MAD1L1: variants seen among roughly 807,000 people sequenced by gnomAD.
MAD1L1 encodes the protein mitotic spindle assembly checkpoint protein MAD1.
A neutral mutation model predicts 96.9 loss-of-function variants in MAD1L1; 95 were observed. The ratio of observed to expected loss-of-function variants is 0.98; its 90% CI spans 0.83 to 1.16. The LOEUF (loss-of-function observed/expected upper bound fraction) is 1.16. MAD1L1 is among the 50% of genes most tolerant of loss of function. The pLI, the probability that MAD1L1 is intolerant of heterozygous loss-of-function variation, is 0.00. For synonymous variants in MAD1L1, 473 were observed against 396.6 expected, an observed-to-expected ratio of 1.19 and a Z score of -2.29; for missense variants, 1,007 against 954.4, an observed-to-expected ratio of 1.06 and a Z score of -0.73.
At chr7:2,070,279 C>A (rs1361337155) in intron 11 of MAD1L1, among the ~76,000 whole-genome samples, 1 of 152,196 alleles carries the variant, frequency 6.6e-6, no homozygotes, top group Non-Finnish European at 1.5e-5. Context: ...TCCGGGAACC[C>A]CAGGACTCCA....
At chr7:2,024,976 T>C (rs1782938500) in intron 12 of MAD1L1, among the ~76,000 whole-genome samples, 1 of 152,238 alleles carries the variant, frequency 6.6e-6, no homozygotes, top group Non-Finnish European at 1.5e-5. Flanking sequence ...ATTATGAACT[T>C]ATCAAAATCC....
rs867914028 is a variant in MAD1L1 at position 1,968,183 on chromosome 7, C to T, written c.1506-10464G>A. 1.3e-5 allele frequency among the ~76,000 whole-genome samples: 2 copies of T among 152,242 alleles called. No homozygotes were observed. Among genetic ancestry groups the T allele is most frequent in the South Asian group, 2.1e-4 (1 of 4,832 alleles). ...CAAACAGCTTCGCGGACGAGGCACC[C>T]GGCAGAGCACGCCTCAATCCGGCGG... On this transcript the variant is annotated intron_variant, in intron 15 of 18. Coordinates refer to ENST00000265854, the MANE Select transcript of MAD1L1 (RefSeq NM_001013836.2). This position sits in a 1 kb window ranked among gnomAD's most constrained non-coding sequence, Gnocchi z 5.6.
intron 13 of MAD1L1, among the ~76,000 whole-genome samples, chr7:2,006,143 G>A (rs750949262): frequency 2.4e-4 from 37 of 152,082 alleles, no homozygotes; most frequent in Non-Finnish European, 3.5e-4. Flanking sequence ...GAAAAGACAC[G>A]TGTGGGTGCT....
intron 18 of MAD1L1, among the ~76,000 whole-genome samples, chr7:1,830,780 G>A: frequency 6.6e-6 from 1 of 152,032 alleles, no homozygotes; most frequent in Non-Finnish European, 1.5e-5. Flanking sequence ...AAAAAAGGAG[G>A]CACATGAACT....
intron 15 of MAD1L1, among the ~76,000 whole-genome samples, chr7:1,973,251 A>G (rs1382555882): frequency 6.6e-6 from 1 of 152,294 alleles, no homozygotes; most frequent in East Asian, 1.9e-4. Context: ...TTCTCTGTTC[A>G]TCCCAGACAC....
At position 1,950,352 on chromosome 7, in the gene MAD1L1, G is replaced by A. The variant is rs372854187; in HGVS notation, c.1596+7277C>T. Among the ~76,000 whole-genome samples the A allele has an allele frequency of 2.8e-4, 42 of 152,248 alleles. 2 individuals are homozygous for A. The East Asian group carries it at 7.4e-3, about 27-fold the overall frequency. On this transcript the variant is annotated intron_variant, in intron 16 of 18. Transcript: ENST00000265854. The stretch of plus-strand genomic sequence containing the variant: ...CAGTGGCTCTGCCGCCCTCCTGCAC[G>A]TCCCGCGCCACCTCGAGGCCCGCAA...
chr7:2,148,983 G>A (rs1319975770), intron 11 of MAD1L1, among the ~76,000 whole-genome samples, 169 bp downstream of exon 11: 1 of 152,100 alleles, frequency 6.6e-6, no homozygotes, highest in African/African-American at 2.4e-5. Context: ...TGGAAACATG[G>A]GGCAAACCCT....
At chr7:2,207,180 C>T (rs528137621) in intron 10 of MAD1L1, among the ~76,000 whole-genome samples, 2 of 152,154 alleles carry the variant, frequency 1.3e-5, no homozygotes, top group South Asian at 4.1e-4. Context: ...GAGCAAACTG[C>T]CATCTTAACA....
intron 11 of MAD1L1, among the ~76,000 whole-genome samples, chr7:2,120,440 G>A (rs768157804): frequency 1.1e-4 from 16 of 152,220 alleles, no homozygotes; most frequent in Admixed American, 5.9e-4. Flanking sequence ...GCCTGGGGGC[G>A]CAGCCTTGGG....
rs374160589 is a variant in MAD1L1 at position 1,898,229 on chromosome 7, C to G, written c.1969G>C (p.Glu657Gln). Residue 657 changes from glutamate to glutamine, a missense_variant, in exon 18 of 19, where the codon GAG (glutamate) becomes CAG (glutamine). Glu to Gln is a conservative substitution (Grantham distance 29, BLOSUM62 2). Coordinates refer to ENST00000265854, the MANE Select transcript of MAD1L1 (RefSeq NM_001013836.2). ...AAGATGAGGCAGTCGCCTGGGTGCT[C>G]GGCGTACAGCGAGGTCAGCCGGTAC... ...NQYRLTSLYA[E>Q]HPGDCLIFKA... 58 of 1,613,126 alleles carry G rather than the reference C, an allele frequency of 3.6e-5. No individual in the cohort carries two copies. The highest frequency in any genetic ancestry group is 4.8e-5 in the Non-Finnish European group (57 of 1,179,610).
chr7:2,065,832 A>G (rs982633627), intron 12 of MAD1L1, among the ~76,000 whole-genome samples: 8 of 152,096 alleles, frequency 5.3e-5, no homozygotes, highest in Admixed American at 2.0e-4. Flanking sequence ...GCAGACAACA[A>G]GGGGTGGGAA....
rs1353119714 is a variant in MAD1L1 at position 2,088,023 on chromosome 7, C to G, written c.1074-18685G>C. Among the ~76,000 whole-genome samples the G allele has an allele frequency of 6.6e-6, 1 of 152,204 alleles. No individual in the cohort carries two copies. Among genetic ancestry groups the G allele is most frequent in the Non-Finnish European group, 1.5e-5 (1 of 68,034 alleles). ...ACAGCTAACTGGATCCGTTTCCCAG[C>G]AGATCGAGGCTTGAGGCTCTAGGAG... On this transcript the variant is annotated intron_variant, in intron 11 of 18. Coordinates refer to ENST00000265854, the MANE Select transcript of MAD1L1 (RefSeq NM_001013836.2). The surrounding 1 kb of genome is among the most constrained non-coding windows in gnomAD (Gnocchi z 4.4).
intron 18 of MAD1L1, among the ~76,000 whole-genome samples, chr7:1,844,441 C>G (rs12666769): frequency 0.068 from 10,364 of 152,214 alleles, 854 homozygotes; most frequent in African/African-American, 0.2. Flanking sequence ...CAGACCCTGA[C>G]ACGCGAGGTG....
At chr7:2,026,901 A>T (rs147455485) in intron 12 of MAD1L1, among the ~76,000 whole-genome samples, 12 of 152,334 alleles carry the variant, frequency 7.9e-5, no homozygotes, top group African/African-American at 2.6e-4. Flanking sequence ...AGAAAGTAAC[A>T]AATTAATGAA....
At chr7:1,979,487 C>A (rs1271312162) in intron 15 of MAD1L1, among the ~76,000 whole-genome samples, 1 of 152,248 alleles carries the variant, frequency 6.6e-6, no homozygotes, top group Admixed American at 6.5e-5. Flanking sequence ...ACTTTCAATC[C>A]GCACTGGATG....
chr7:2,150,955 G>A (rs574203669), intron 10 of MAD1L1, among the ~76,000 whole-genome samples: 1 of 152,350 alleles, frequency 6.6e-6, no homozygotes, highest in Non-Finnish European at 1.5e-5. Flanking sequence ...GGCAAACCGG[G>A]GTTAGAAAGC....
chr7:1,927,265 T>C (rs887835929), intron 17 of MAD1L1, among the ~76,000 whole-genome samples: 1 of 152,182 alleles, frequency 6.6e-6, no homozygotes, highest in Non-Finnish European at 1.5e-5. Context: ...CTACATTGTG[T>C]TCATGTATCG....
At chr7:1,955,902 A>C (rs930171148) in intron 16 of MAD1L1, among the ~76,000 whole-genome samples, 8 of 150,962 alleles carry the variant, frequency 5.3e-5, no homozygotes, top group Admixed American at 1.3e-4. Context: ...ATAAGAACAG[A>C]TGAAACGAAC....
chr7:2,040,206 C>G (rs1783612574), intron 12 of MAD1L1, among the ~76,000 whole-genome samples: 1 of 152,196 alleles, frequency 6.6e-6, no homozygotes, highest in Admixed American at 6.5e-5. Flanking sequence ...AAAACTGACT[C>G]AAGAGAAACA....
Sources: gnomAD v4.1 joint callset for allele counts (sites outside exome capture counted in the v4.1 genomes callset) on GRCh38, gnomAD v4.1.1 for gene constraint, Gnocchi (gnomAD v3.1) non-coding constraint, MANE v1.5 for transcripts, NCBI Gene and HGNC (gene_info 2026-07-23, HGNC 2026-07-21) for gene names.